Variants in STARD10 observed in about 807,000 individuals in gnomAD.
STARD10 encodes START domain-containing protein 10.
Under a neutral mutation model 36.0 loss-of-function variants are expected in STARD10, and 24 were observed. That is an observed-to-expected ratio of 0.67 (90% CI 0.48 to 0.94). The LOEUF (loss-of-function observed/expected upper bound fraction) is 0.94. Among genes scored for constraint, STARD10 ranks in the 40% least tolerant of loss-of-function variants. STARD10 has a pLI of 0.00. For missense variants in STARD10, 335 were observed against 396.6 expected, an observed-to-expected ratio of 0.84 and a Z score of 1.32; for synonymous variants, 156 against 161.9, an observed-to-expected ratio of 0.96 and a Z score of 0.28.
chr11:72,755,196 C>A, intron 6 of STARD10, 54 bp from the exon 7 acceptor site: 1 of 1,544,144 alleles, frequency 6.5e-7, no homozygotes. Context: ...CAGGTCTTCT[C>A]CACACCCCCC....
At chr11:72,775,144 G>A (rs532801904) in intron 2 of STARD10, among the ~76,000 whole-genome samples, 8 of 152,264 alleles carry the variant, frequency 5.3e-5, no homozygotes, top group African/African-American at 1.9e-4. Context: ...CATCCATGCC[G>A]TCCTGCATCC....
intron 2 of STARD10, among the ~76,000 whole-genome samples, chr11:72,774,992 G>A (rs1353032253): frequency 2.0e-5 from 3 of 152,220 alleles, no homozygotes; most frequent in African/African-American, 7.2e-5. Context: ...GGTGTGGAGG[G>A]CACAGAGCCA....
At chr11:72,771,957 G>C (rs12271568) in intron 2 of STARD10, among the ~76,000 whole-genome samples, 11,349 of 152,154 alleles carry the variant, frequency 0.075, 524 homozygotes, top group South Asian at 0.18. Context: ...ACACAAAGAG[G>C]CAAAAAGCCT....
chr11:72,785,612 G>C (rs984224951), intron 1 of STARD10, among the ~76,000 whole-genome samples: 21 of 146,124 alleles, frequency 1.4e-4, no homozygotes, highest in Non-Finnish European at 2.2e-4. Context: ...GGGCCTCTCA[G>C]CTCCTAACCT....
At chr11:72,772,505 A>C (rs12292262) in intron 2 of STARD10, among the ~76,000 whole-genome samples, 15,267 of 152,140 alleles carry the variant, frequency 0.1, 899 homozygotes, top group African/African-American at 0.17. Flanking sequence ...CCTTCCCAGC[A>C]GCCCCTCTTC....
chr11:72,781,301 G>T lies in STARD10; in HGVS notation c.-113-7C>A. The T allele has an allele frequency of 1.2e-6, 1 of 835,936 alleles. No individual in the cohort carries two copies. The highest frequency in any genetic ancestry group is 1.9e-6 in the Non-Finnish European group (1 of 536,024). The allele number at this position is 835,936 out of a possible 1,614,324, so 51.8% of individuals were successfully genotyped here. A position where few individuals can be genotyped will look rare whatever the true frequency, so the allele number is the denominator to read the frequency against. On this transcript the variant is annotated splice_polypyrimidine_tract_variant and splice_region_variant and intron_variant, in intron 1 of 6. Coordinates refer to ENST00000334805, the MANE Select transcript of STARD10 (RefSeq NM_006645.3). This position sits in a 1 kb window ranked among gnomAD's most constrained non-coding sequence, Gnocchi z 4.7. ...GACGCCACCTTCCTGGGACCTGCAAGACCGGTTTGGGGACGGGAATCAGTG... is the reference window on the plus strand; with the variant it reads ...GACGCCACCTTCCTGGGACCTGCAATACCGGTTTGGGGACGGGAATCAGTG...
chr11:72,759,532 C>T (rs1252552527), intron 2 of STARD10, 151 bp from the exon 3 acceptor site: 1 of 969,370 alleles, frequency 1.0e-6, no homozygotes, highest in Non-Finnish European at 1.5e-6. Flanking sequence ...CTTCTTGCCA[C>T]AAGCCCTGTC....
intron 1 of STARD10, among the ~76,000 whole-genome samples, chr11:72,791,573 G>A (rs993833250): frequency 6.6e-6 from 1 of 151,852 alleles, no homozygotes; most frequent in South Asian, 2.1e-4. Flanking sequence ...CATGGTAGTG[G>A]GCACCTGTAA....
intron 2 of STARD10, among the ~76,000 whole-genome samples, chr11:72,765,667 G>A (rs979382014): frequency 6.6e-4 from 100 of 152,166 alleles, no homozygotes; most frequent in African/African-American, 2.1e-3. Context: ...TATGCCTAGC[G>A]CGTAGTAAAT....
In STARD10 at chr11:72,783,158, T is replaced by C. The variant is rs191295139; in HGVS notation, c.-113-1864A>G. Among the ~76,000 whole-genome samples, 4 of 152,312 alleles carry C rather than the reference T, an allele frequency of 2.6e-5. No homozygotes were observed. In the East Asian group the frequency reaches 7.7e-4, roughly 29 times the overall value. ...CTTCACAAATAGAGGTGTTTCTTCCTGAAGTGCTTAAAGCACTGAGATGTT... is the reference window on the plus strand; with the variant it reads ...CTTCACAAATAGAGGTGTTTCTTCCCGAAGTGCTTAAAGCACTGAGATGTT... On this transcript the variant is annotated intron_variant, in intron 1 of 6. Coordinates refer to ENST00000334805, the MANE Select transcript of STARD10 (RefSeq NM_006645.3).
rs1331984878 is a variant in STARD10 at position 72,793,229 on chromosome 11, G to GA, written c.-469dup. ...TCAGGTTTGCAATTTGCAGAATGAG[G>GA]AAATGGGTTCCTCAATCTACAATCA... On this transcript the variant is annotated 5_prime_UTR_variant, in exon 1 of 7. Transcript: ENST00000334805. The GA allele has an allele frequency of 6.6e-6, 1 of 152,256 alleles. No homozygotes were observed. The highest frequency in any genetic ancestry group is 1.5e-5 in the Non-Finnish European group (1 of 68,052). 9.4% of individuals were successfully genotyped at this position (152,256 alleles called of 1,614,324 possible).
intron 1 of STARD10, among the ~76,000 whole-genome samples, chr11:72,783,330 G>C (rs1264541188): frequency 6.6e-6 from 1 of 152,110 alleles, no homozygotes; most frequent in African/African-American, 2.4e-5. Context: ...TAGATCTCCA[G>C]GCCTTCCATC....
At chr11:72,790,075 C>T (rs529281333) in intron 1 of STARD10, among the ~76,000 whole-genome samples, 3 of 152,222 alleles carry the variant, frequency 2.0e-5, no homozygotes, top group Non-Finnish European at 4.4e-5. Flanking sequence ...GGAGAGCTCT[C>T]GGCCCCACTC....
rs1448810251 is a variant in STARD10, at chr11:72,759,351, C to G, written c.238G>C (p.Glu80Gln). ...CRMECCDVPAETLYDVLHDIE... is the reference protein window; with the variant it reads ...CRMECCDVPAQTLYDVLHDIE... ...TCGTGTAGGACGTCGTAGAGTGTCT[C>G]GGCTGGCACATCACAGCACTCCATC... The change falls in exon 3 of 7, where the codon GAG becomes CAG. Residue 80 changes from glutamate (E) to glutamine (Q), a missense_variant. By Grantham distance (29) the Glu-to-Gln change is conservative (BLOSUM62 2). Coordinates refer to ENST00000334805, the MANE Select transcript of STARD10 (RefSeq NM_006645.3). 6.2e-7 allele frequency: 1 copy of G among 1,613,846 alleles called. No homozygotes were observed. The highest frequency in any genetic ancestry group is 1.1e-5 in the South Asian group (1 of 91,066).
chr11:72,775,873 C>T (rs1858924046), intron 2 of STARD10, among the ~76,000 whole-genome samples: 4 of 152,152 alleles, frequency 2.6e-5, no homozygotes, highest in African/African-American at 9.7e-5. Context: ...TTGCCCAGGG[C>T]CACACAGCGA....
chr11:72,765,905 C>T (rs893668267), intron 2 of STARD10: 3 of 152,010 alleles, frequency 2.0e-5, no homozygotes, highest in African/African-American at 7.3e-5. Context: ...CACTTAAACC[C>T]AGAAGGAGGA....
intron 2 of STARD10, among the ~76,000 whole-genome samples, chr11:72,768,391 T>C (rs1395027140): frequency 2.0e-5 from 3 of 152,116 alleles, no homozygotes; most frequent in Non-Finnish European, 4.4e-5. Context: ...CTCTTGCCTC[T>C]GGGTTTCTGG....
In STARD10 at chr11:72,754,784, T is replaced by A; in HGVS notation, c.*113A>T. 6.8e-7 allele frequency: 1 copy of A among 1,469,096 alleles called. No homozygotes were observed. The highest frequency in any genetic ancestry group is 9.2e-7 in the Non-Finnish European group (1 of 1,090,828). The allele number at this position is 1,469,096 out of a possible 1,614,324, so 91.0% of individuals were successfully genotyped here. A position where few individuals can be genotyped will look rare whatever the true frequency, so the allele number is the denominator to read the frequency against. ...GTCCAGCCAGGCTGCAGCACCCGCC[T>A]GGGCCTGGCCCGGTGCCACCAGGTG... On this transcript the variant is annotated 3_prime_UTR_variant, in exon 7 of 7. Coordinates refer to ENST00000334805, the MANE Select transcript of STARD10 (RefSeq NM_006645.3).
In STARD10 at chr11:72,754,795, C is replaced by A. The variant is rs1216292785; in HGVS notation, c.*102G>T. The A allele has an allele frequency of 2.7e-6, 4 of 1,502,922 alleles. No homozygotes were observed. The highest frequency in any genetic ancestry group is 2.5e-5 in the East Asian group (1 of 40,686). 93.1% of individuals were successfully genotyped at this position (1,502,922 alleles called of 1,614,324 possible). On this transcript the variant is annotated 3_prime_UTR_variant, in exon 7 of 7. Coordinates refer to ENST00000334805, the MANE Select transcript of STARD10 (RefSeq NM_006645.3). ...CTGCAGCACCCGCCTGGGCCTGGCC[C>A]GGTGCCACCAGGTGCCGGGTGGGGG... is the stretch of plus-strand genomic sequence containing the variant.
Sources: gnomAD v4.1 joint callset for allele counts (sites outside exome capture counted in the v4.1 genomes callset) on GRCh38, gnomAD v4.1.1 for gene constraint, Gnocchi (gnomAD v3.1) non-coding constraint, MANE v1.5 for transcripts, NCBI Gene and HGNC (gene_info 2026-07-23, HGNC 2026-07-21) for gene names.